Variants in DACH1 observed in about 807,000 individuals in gnomAD.
DACH1 encodes dachshund homolog 1.
DACH1 carries 12 observed loss-of-function variants against 54.2 expected under a neutral mutation model. That is an observed-to-expected ratio of 0.22 (90% CI 0.14 to 0.36). The LOEUF (loss-of-function observed/expected upper bound fraction) is 0.36, where lower values mean the gene tolerates loss of function less well. DACH1 is among the 10% of genes least tolerant of loss of function. DACH1 has a pLI of 1.00. For missense variants in DACH1, 805 were observed against 929.8 expected (o/e 0.87, Z 1.75); for synonymous variants, 386 against 366.2 (o/e 1.05, Z -0.62).
intron 1 of DACH1, among the ~76,000 whole-genome samples, chr13:71,806,649 T>A (rs910624817): frequency 1.3e-5 from 2 of 152,176 alleles, no homozygotes; most frequent in African/African-American, 2.4e-5. Flanking sequence ...TAAGCAGTGT[T>A]ACATATTATG....
intron 6 of DACH1, among the ~76,000 whole-genome samples, chr13:71,512,704 T>C (rs878868379): frequency 3.3e-5 from 5 of 152,046 alleles, no homozygotes; most frequent in Non-Finnish European, 7.4e-5. Flanking sequence ...CATGTGTAAA[T>C]TGGCTATAAG....
intron 6 of DACH1, among the ~76,000 whole-genome samples, chr13:71,505,333 G>A (rs1467150883): frequency 2.0e-5 from 3 of 152,018 alleles, no homozygotes; most frequent in African/African-American, 7.2e-5. Context: ...CACCCACCTC[G>A]GCCTCCCAAA....
rs112308798 is a variant in DACH1, at chr13:71,635,485, C to T, written c.965-4768G>A. On this transcript the variant is annotated intron_variant, in intron 2 of 10. Transcript: ENST00000613252. ...TATATGTTGTTCCCAAACAAAGTTG[C>T]CTTAAAAACAACAACAAAAAAATTC... 9.0e-4 allele frequency among the ~76,000 whole-genome samples: 137 copies of T among 152,204 alleles called. 1 individual carries two copies. Among genetic ancestry groups the T allele is most frequent in the African/African-American group, 3.2e-3 (132 of 41,546 alleles).
chr13:71,659,264 G>A (rs1879341110), intron 2 of DACH1, among the ~76,000 whole-genome samples: 2 of 152,042 alleles, frequency 1.3e-5, no homozygotes, highest in Non-Finnish European at 2.9e-5. Flanking sequence ...ACTCTTACTG[G>A]GGGGTGGCTC....
At chr13:71,721,903 C>T (rs767085883) in intron 1 of DACH1, among the ~76,000 whole-genome samples, 1 of 151,888 alleles carries the variant, frequency 6.6e-6, no homozygotes, top group South Asian at 2.1e-4. Context: ...TGAATATATA[C>T]CTGAAGCTTT....
chr13:71,440,668 G>A lies in DACH1; in HGVS notation c.2108C>T (p.Thr703Ile). ...AACAGGAAAGATTCAGTACATGACA[G>A]TAGTTTTCAAATACAGTCTTCCATC... The part of the protein sequence containing the change: ...IQDGRLYLKT[T>I]VMY The change falls in exon 11 of 11, where the codon ACT becomes ATT. Residue 703 changes from threonine (T) to isoleucine (I), a missense_variant. Transcript: ENST00000613252. The A allele has an allele frequency of 6.2e-7, 1 of 1,605,318 alleles. No individual in the cohort carries two copies. The highest frequency in any genetic ancestry group is 8.5e-7 in the Non-Finnish European group (1 of 1,175,556).
Position 71,499,120 on chromosome 13 carries a change from CACACACACACACGCAG to C in DACH1, c.1571-9988_1571-9973del, listed in dbSNP as rs1159474574. 8.0e-3 allele frequency among the ~76,000 whole-genome samples: 684 copies of C among 85,332 alleles called. 4 individuals carry two copies. Among genetic ancestry groups the C allele is most frequent in the African/African-American group, 0.022 (644 of 29,382 alleles). 56.0% of individuals were successfully genotyped at this position (85,332 alleles called of 152,430 possible). On this transcript the variant is annotated intron_variant, in intron 6 of 10. Coordinates refer to ENST00000613252, the MANE Select transcript of DACH1 (RefSeq NM_080759.6). The stretch of plus-strand genomic sequence containing the variant: ...ACACATGCGAGCACGCGCACACACA[CACACACACACACGCAG>C]ACACACACACACACACACACACTGA...
intron 1 of DACH1, among the ~76,000 whole-genome samples, chr13:71,737,526 C>A (rs953792292): frequency 6.6e-6 from 1 of 152,116 alleles, no homozygotes; most frequent in East Asian, 1.9e-4. Context: ...AGAATGCAAT[C>A]AATCTGGAAA....
chr13:71,755,268 G>A (rs1376797790), intron 1 of DACH1, among the ~76,000 whole-genome samples: 1 of 152,162 alleles, frequency 6.6e-6, no homozygotes, highest in African/African-American at 2.4e-5. Flanking sequence ...AGGAAAAAAA[G>A]ATATTTTGGA....
chr13:71,607,660 T>C (rs1874973302), intron 3 of DACH1, among the ~76,000 whole-genome samples: 1 of 152,006 alleles, frequency 6.6e-6, no homozygotes, highest in South Asian at 2.1e-4. Flanking sequence ...CAGGAAAAAT[T>C]CTCTGGATGA....
At chr13:71,568,256 A>T (rs1885008071) in intron 4 of DACH1, among the ~76,000 whole-genome samples, 1 of 152,088 alleles carries the variant, frequency 6.6e-6, no homozygotes, top group Non-Finnish European at 1.5e-5. Flanking sequence ...ACAGAATTTT[A>T]TGTCAGAAAG....
intron 1 of DACH1, among the ~76,000 whole-genome samples, chr13:71,842,353 T>C: frequency 6.6e-6 from 1 of 151,768 alleles, no homozygotes; most frequent in Non-Finnish European, 1.5e-5. Flanking sequence ...AGTGGGTGGA[T>C]TGCTTGAGCC....
At chr13:71,638,407 T>C (rs1194947091) in intron 2 of DACH1, among the ~76,000 whole-genome samples, 1 of 152,158 alleles carries the variant, frequency 6.6e-6, no homozygotes, top group Non-Finnish European at 1.5e-5. Flanking sequence ...AGGCAGATGG[T>C]GTGAAGCGGA....
chr13:71,578,323 T>C (rs923448925), intron 3 of DACH1, among the ~76,000 whole-genome samples: 1 of 152,164 alleles, frequency 6.6e-6, no homozygotes, highest in African/African-American at 2.4e-5. Flanking sequence ...GGAGACCACT[T>C]AGAAAGACGT....
chr13:71,702,752 A>T (rs538118342), intron 1 of DACH1, among the ~76,000 whole-genome samples: 47 of 152,284 alleles, frequency 3.1e-4, no homozygotes, highest in African/African-American at 1.0e-3. Context: ...AAAGGATTAA[A>T]CCATAAATTA....
intron 3 of DACH1, among the ~76,000 whole-genome samples, chr13:71,597,567 C>T (rs1331511724): frequency 2.0e-5 from 3 of 152,080 alleles, no homozygotes; most frequent in Non-Finnish European, 2.9e-5. Context: ...GTGATTTCAC[C>T]ATGGGGCTCT....
chr13:71,695,014 A>C (rs56347192), intron 1 of DACH1, among the ~76,000 whole-genome samples: 1 of 152,158 alleles, frequency 6.6e-6, no homozygotes, highest in Non-Finnish European at 1.5e-5. Flanking sequence ...AAGTTTTCTT[A>C]TTATTTCAAA....
chr13:71,595,675 A>G (rs190035953), intron 3 of DACH1, among the ~76,000 whole-genome samples: 139 of 152,262 alleles, frequency 9.1e-4, no homozygotes, highest in South Asian at 6.2e-4. Context: ...CAATTCTGGA[A>G]GCTGGAAGTC....
intron 1 of DACH1, among the ~76,000 whole-genome samples, chr13:71,836,422 A>C (rs1027337639): frequency 6.6e-6 from 1 of 152,076 alleles, no homozygotes; most frequent in Non-Finnish European, 1.5e-5. Context: ...ACAGACTTTA[A>C]AAAACGTGCC....
Sources: allele counts gnomAD v4.1 joint callset (sites outside exome capture counted in the v4.1 genomes callset), GRCh38; gene constraint gnomAD v4.1.1; transcripts MANE v1.5; gene names NCBI Gene and HGNC (gene_info 2026-07-23, HGNC 2026-07-21).